The following CALD1 variants were observed in gnomAD, a reference collection of about 807,000 sequenced individuals.
CALD1 encodes caldesmon.
Under a neutral mutation model 99.9 loss-of-function variants are expected in CALD1, and 33 were observed. The ratio of observed to expected loss-of-function variants is 0.33; its 90% CI spans 0.25 to 0.44. The LOEUF is 0.44. Among genes scored for constraint, CALD1 ranks in the 20% least tolerant of loss-of-function variants. CALD1 has a pLI of 1.00. For synonymous variants in CALD1, 310 were observed against 325.0 expected, an observed-to-expected ratio of 0.95 and a Z score of 0.50; for missense variants, 861 against 962.1, an observed-to-expected ratio of 0.89 and a Z score of 1.39.
chr7:134,712,941 C>T, the CALD1 span, among the ~76,000 whole-genome samples: 6 of 152,150 alleles, frequency 3.9e-5, no homozygotes, highest in Non-Finnish European at 8.8e-5. Flanking sequence ...AACGCAATTC[C>T]CATTCACTCC....
At chr7:134,909,668 G>A (rs910280391) in intron 3 of CALD1, among the ~76,000 whole-genome samples, 1 of 152,156 alleles carries the variant, frequency 6.6e-6, no homozygotes, top group Non-Finnish European at 1.5e-5. Flanking sequence ...GGGAGCCTGG[G>A]TGACAAGAGC....
At chr7:134,834,958 T>C (rs1432393378) in intron 1 of CALD1, among the ~76,000 whole-genome samples, 4 of 152,238 alleles carry the variant, frequency 2.6e-5, no homozygotes, top group African/African-American at 7.2e-5. Flanking sequence ...CACAGCTTCC[T>C]AGACATTAAC....
intron 3 of CALD1, chr7:134,891,522 A>T (rs1317769735): frequency 6.6e-7 from 1 of 1,506,856 alleles, no homozygotes; most frequent in African/African-American, 1.4e-5. Flanking sequence ...TCAGCCACAG[A>T]TCACATGGCC....
chr7:134,751,426 G>C (rs6974457), intron 1 of CALD1, among the ~76,000 whole-genome samples: 12,440 of 152,100 alleles, frequency 0.082, 1,587 homozygotes, highest in African/African-American at 0.27. Context: ...GTCTTCCATA[G>C]GAACCATGTT....
At chr7:134,827,904 T>C (rs369814576) in intron 1 of CALD1, among the ~76,000 whole-genome samples, 3 of 152,342 alleles carry the variant, frequency 2.0e-5, no homozygotes, top group East Asian at 3.9e-4. Flanking sequence ...AAGGGCAACA[T>C]ATTCAATAGA....
chr7:134,800,307 T>C (rs1797894636), intron 1 of CALD1, among the ~76,000 whole-genome samples: 1 of 152,130 alleles, frequency 6.6e-6, no homozygotes, highest in African/African-American at 2.4e-5. Context: ...AATGTATTGC[T>C]CAAATCTCTG....
At chr7:134,742,453 C>T (rs1796600260), upstream of CALD1, among the ~76,000 whole-genome samples, 1 of 152,188 alleles carries the variant, frequency 6.6e-6, no homozygotes, top group Non-Finnish European at 1.5e-5. Flanking sequence ...AGGCTCCCAG[C>T]CTCCCAGCTG....
At chr7:134,939,523 C>A (rs1400533804) in intron 6 of CALD1, among the ~76,000 whole-genome samples, 1 of 152,174 alleles carries the variant, frequency 6.6e-6, no homozygotes, top group Non-Finnish European at 1.5e-5. Flanking sequence ...TAGGTATATA[C>A]CCCATGGTGA....
chr7:134,889,678 C>T (rs573738221), intron 3 of CALD1, among the ~76,000 whole-genome samples: 7 of 152,202 alleles, frequency 4.6e-5, no homozygotes, highest in Non-Finnish European at 1.0e-4. Flanking sequence ...AGTTCTAGAG[C>T]GAGAAACTCA....
In CALD1 at chr7:134,969,251, G is replaced by A. The variant is rs1225000562; in HGVS notation, c.*906G>A. 1 of 152,194 alleles carries A rather than the reference G, an allele frequency of 6.6e-6. No individual in the cohort carries two copies. The highest frequency in any genetic ancestry group is 1.5e-5 in the Non-Finnish European group (1 of 68,024). The allele number at this position is 152,194 out of a possible 1,614,324, so 9.4% of individuals were successfully genotyped here. A position where few individuals can be genotyped will look rare whatever the true frequency, so the allele number is the denominator to read the frequency against. Reference sequence around the variant, plus strand: ...ATGCCTGATGACCTATAAGAAGAAAGTATTGAAAAGAAGAGAGATTAGAAC... The same window carrying A: ...ATGCCTGATGACCTATAAGAAGAAAATATTGAAAAGAAGAGAGATTAGAAC... On this transcript the variant is annotated 3_prime_UTR_variant, in exon 15 of 15. Coordinates refer to ENST00000361675, the MANE Select transcript of CALD1 (RefSeq NM_033138.4).
chr7:134,803,696 ATTTT>A (rs3062411), intron 1 of CALD1, among the ~76,000 whole-genome samples: 7 of 123,030 alleles, frequency 5.7e-5, no homozygotes, highest in Admixed American at 8.3e-5. Flanking sequence ...TGTGGGTCTA[ATTTT>A]TTTTTTTTTT....
chr7:134,712,755 A>G, the CALD1 span, among the ~76,000 whole-genome samples: 28,129 of 152,180 alleles, frequency 0.18, 2,663 homozygotes, highest in African/African-American at 0.24. Context: ...TTTAGCTGAG[A>G]TCTGACCCAT....
chr7:134,775,481 G>A (rs999657559), upstream of CALD1, among the ~76,000 whole-genome samples: 4 of 152,210 alleles, frequency 2.6e-5, no homozygotes, highest in Non-Finnish European at 4.4e-5. Flanking sequence ...GGAGGCCGAG[G>A]CGGGTGGATC....
chr7:134,854,615 A>G (rs1248683186), intron 2 of CALD1, among the ~76,000 whole-genome samples: 1 of 151,950 alleles, frequency 6.6e-6, no homozygotes, highest in African/African-American at 2.4e-5. Flanking sequence ...AACCATCTCT[A>G]TTTTCTCAAT....
At chr7:134,854,597 G>C (rs1369026682) in intron 2 of CALD1, among the ~76,000 whole-genome samples, 1 of 152,140 alleles carries the variant, frequency 6.6e-6, no homozygotes, top group Non-Finnish European at 1.5e-5. Flanking sequence ...GGCGGGATGG[G>C]CTAAACTAAC....
At chr7:134,913,953 T>TATA (rs1269225947) in intron 3 of CALD1, among the ~76,000 whole-genome samples, 1 of 152,134 alleles carries the variant, frequency 6.6e-6, no homozygotes, top group East Asian at 1.9e-4. Context: ...AGAAAACAGG[T>TATA]ATAGGAACTT....
chr7:134,808,760 T>C (rs1798246831), intron 1 of CALD1, among the ~76,000 whole-genome samples: 1 of 152,242 alleles, frequency 6.6e-6, no homozygotes, highest in Non-Finnish European at 1.5e-5. Context: ...GAGAATGATA[T>C]TGAAAACATC....
intron 1 of CALD1, among the ~76,000 whole-genome samples, chr7:134,805,885 C>T (rs938238849): frequency 6.6e-6 from 1 of 152,066 alleles, no homozygotes; most frequent in African/African-American, 2.4e-5. Context: ...CTCAGCCTCC[C>T]GAGTAGCTGG....
At chr7:134,897,212 C>T (rs1164087955) in intron 3 of CALD1, among the ~76,000 whole-genome samples, 1 of 152,078 alleles carries the variant, frequency 6.6e-6, no homozygotes, top group East Asian at 1.9e-4. Context: ...TTAAGAACAT[C>T]AAAAAGGACA....
Sources: allele counts gnomAD v4.1 joint callset (sites outside exome capture counted in the v4.1 genomes callset), GRCh38; gene constraint gnomAD v4.1.1; transcripts MANE v1.5; gene names NCBI Gene and HGNC (gene_info 2026-07-23, HGNC 2026-07-21).